Variants in SELENBP1 observed in about 807,000 individuals in gnomAD.
SELENBP1 encodes the protein selenium binding protein 1.
A neutral mutation model predicts 61.0 loss-of-function variants in SELENBP1; 71 were observed. That is an observed-to-expected ratio of 1.16 (90% CI 0.96 to 1.42). SELENBP1 has a LOEUF of 1.42. Ranked by LOEUF, SELENBP1 falls within the 40% of genes most tolerant of loss-of-function variation. The pLI is 0.00. For synonymous variants in SELENBP1, 270 were observed against 238.9 expected (o/e 1.13, Z -1.20); for missense variants, 561 against 605.0 (o/e 0.93, Z 0.76).
At position 151,372,650 on chromosome 1, in the gene SELENBP1, CTGGTACACTT is replaced by C; in HGVS notation, c.-19_-10del. The C allele has an allele frequency of 6.2e-7, 1 of 1,614,162 alleles. No homozygotes were observed. The highest frequency in any genetic ancestry group is 1.1e-5 in the South Asian group (1 of 91,078). On this transcript the variant is annotated 5_prime_UTR_variant, in exon 1 of 12. Transcript: ENST00000368868. ...CCCCTCTCCTTACCCATGCTGCCGA[CTGGTACACTT>C]TGATCCCGGCGGGTTTGCTGTGCTG... is the stretch of plus-strand genomic sequence containing the variant.
Position 151,364,470 on chromosome 1 carries a change from G to A in SELENBP1, c.*73C>T, listed in dbSNP as rs1651687037. 1 of 1,589,270 alleles carries A rather than the reference G, an allele frequency of 6.3e-7. No individual in the cohort carries two copies. Among genetic ancestry groups the A allele is most frequent in the Non-Finnish European group, 8.6e-7 (1 of 1,160,120 alleles). On this transcript the variant is annotated 3_prime_UTR_variant, in exon 12 of 12. Coordinates refer to ENST00000368868, the MANE Select transcript of SELENBP1 (RefSeq NM_003944.4). ...TGCTGCCAAGGGTCGGGTGCCAAGA[G>A]AGAGCAGAATGAAGCCAGGTCCCCA... is the stretch of plus-strand genomic sequence containing the variant.
rs751434977 is a variant in SELENBP1 at position 151,372,652 on chromosome 1, G to C, written c.-11C>G. 4 of 1,614,144 alleles carry C rather than the reference G, an allele frequency of 2.5e-6. No homozygotes were observed. Among genetic ancestry groups the C allele is most frequent in the Non-Finnish European group, 3.4e-6 (4 of 1,180,018 alleles). On this transcript the variant is annotated 5_prime_UTR_variant, in exon 1 of 12. Transcript: ENST00000368868. Reference sequence around the variant, plus strand: ...CCTCTCCTTACCCATGCTGCCGACTGGTACACTTTGATCCCGGCGGGTTTG... The same window carrying C: ...CCTCTCCTTACCCATGCTGCCGACTCGTACACTTTGATCCCGGCGGGTTTG...
rs768770667 is a variant in SELENBP1, at chr1:151,366,256, G to A, written c.843+19C>T. The A allele has an allele frequency of 2.8e-5, 45 of 1,605,522 alleles. No homozygotes were observed. Among genetic ancestry groups the A allele is most frequent in the African/African-American group, 4.0e-5 (3 of 74,770 alleles). Reference sequence around the variant, plus strand: ...CTGACAAGACTACTGGGAGGGGAGGGCCAGAGGGCGTATGTCACCTCGTTC... The same window carrying A: ...CTGACAAGACTACTGGGAGGGGAGGACCAGAGGGCGTATGTCACCTCGTTC... On this transcript the variant is annotated intron_variant, in intron 7 of 11. Coordinates refer to ENST00000368868, the MANE Select transcript of SELENBP1 (RefSeq NM_003944.4).
At position 151,365,290 on chromosome 1, in the gene SELENBP1, G is replaced by A. The variant is rs1464152144; in HGVS notation, c.1045-9C>T. ...CTGCCTCCGAGGAAGAGCTAGATGG[G>A]GAGGTGCAGAGTATAAGGAGGACCA... is the stretch of plus-strand genomic sequence containing the variant. On this transcript the variant is annotated splice_polypyrimidine_tract_variant and intron_variant, in intron 9 of 11. Coordinates refer to ENST00000368868, the MANE Select transcript of SELENBP1 (RefSeq NM_003944.4). 1.5e-5 allele frequency: 24 copies of A among 1,610,666 alleles called. No homozygotes were observed. Among genetic ancestry groups the A allele is most frequent in the Non-Finnish European group, 1.9e-5 (22 of 1,178,266 alleles).
At chr1:151,368,857 C>T (rs1651987992) in intron 4 of SELENBP1, 147 bp downstream of exon 4, 1 of 789,544 alleles carries the variant, frequency 1.3e-6, no homozygotes, top group Non-Finnish European at 2.0e-6. Context: ...AGACTCTGCT[C>T]TGAGGTCCAA....
rs760946034 is a variant in SELENBP1, at chr1:151,364,666, T to C, written c.1296A>G (p.Val432=). The change falls in exon 12 of 12, where the codon GTA becomes GTG. Residue 432 remains valine (V), a synonymous_variant. Coordinates refer to ENST00000368868, the MANE Select transcript of SELENBP1 (RefSeq NM_003944.4). ...TGGGGTTCAACTTCAGCCCTCCTTT[T>C]ACTGTGTCTACATCAACCTGCAGCA... ...SVMLQVDVDT[V]KGGLKLNPNF... is the part of the protein sequence containing the mutation. 1 of 1,608,984 alleles carries C rather than the reference T, an allele frequency of 6.2e-7. No homozygotes were observed.
In SELENBP1 at chr1:151,368,271, G is replaced by A; in HGVS notation, c.409C>T (p.His137Tyr). ...IHAKCELAFL[H>Y]TSHCLASGEV... ...CCGCTGGCCAGGCAGTGGCTGGTGT[G>A]GAGAAAGGCCAGTTCGCACTTGGCA... Residue 137 changes from histidine to tyrosine, a missense_variant, in exon 5 of 12, where the codon CAC becomes TAC. Physicochemically the swap from His to Tyr is moderately conservative, Grantham distance 83. Transcript: ENST00000368868. The A allele has an allele frequency of 1.2e-6, 2 of 1,614,192 alleles. No individual in the cohort carries two copies. Among genetic ancestry groups the A allele is most frequent in the South Asian group, 1.1e-5 (1 of 91,082 alleles).
At position 151,369,157 on chromosome 1, in the gene SELENBP1, C is replaced by T. The variant is rs143109619; in HGVS notation, c.207G>A (p.Lys69=). Reference sequence around the variant, plus strand: ...TCCATCCTGAGTGATGCAGCTCGTCCTTCAGGTTGGGCATGGGCAGCCGGT... The same window carrying T: ...TCCATCCTGAGTGATGCAGCTCGTCTTTCAGGTTGGGCATGGGCAGCCGGT... ...VIHRLPMPNL[K]DELHHSGWNT... Residue 69 remains lysine (K), a synonymous_variant, in exon 4 of 12, where the codon AAG becomes AAA. Coordinates refer to ENST00000368868, the MANE Select transcript of SELENBP1 (RefSeq NM_003944.4). 3.5e-5 allele frequency: 57 copies of T among 1,612,880 alleles called. No individual in the cohort carries two copies. The highest frequency in any genetic ancestry group is 4.6e-5 in the Non-Finnish European group (54 of 1,179,190).
chr1:151,366,182 C>T (rs1201020589), intron 7 of SELENBP1, 93 bp downstream of exon 7: 3 of 1,463,804 alleles, frequency 2.0e-6, no homozygotes, highest in South Asian at 1.3e-5. Flanking sequence ...TTTTTCGTTC[C>T]TGGAGACGCC....
intron 5 of SELENBP1, 23 bp downstream of exon 5, chr1:151,368,176 G>T (rs1651952413): frequency 1.2e-6 from 2 of 1,604,882 alleles, no homozygotes; most frequent in African/African-American, 1.3e-5. Context: ...AAGTTTTCAT[G>T]AGCACACAGT....
At chr1:151,369,908 C>T (rs1311288753) in intron 1 of SELENBP1, 139 bp from the exon 2 acceptor site, 2 of 1,539,234 alleles carry the variant, frequency 1.3e-6, no homozygotes, top group Non-Finnish European at 1.8e-6. Flanking sequence ...ATCGCTCTGG[C>T]CTGTCCTCTC....
chr1:151,365,729 C>T (rs762438209), intron 8 of SELENBP1, 39 bp downstream of exon 8: 8 of 1,613,984 alleles, frequency 5.0e-6, no homozygotes, highest in African/African-American at 2.7e-5. Flanking sequence ...TCTTGTTTCC[C>T]AGGCCAAGAA....
At chr1:151,365,938 T>C (rs1651793618) in intron 7 of SELENBP1, 92 bp from the exon 8 acceptor site, 1 of 1,358,496 alleles carries the variant, frequency 7.4e-7, no homozygotes. Context: ...TGCCCAGACC[T>C]GGGAGGGAGA....
rs779362276 is a variant in SELENBP1 at position 151,366,426 on chromosome 1, C to T, written c.692G>A (p.Trp231Ter). 1.9e-6 allele frequency: 3 copies of T among 1,613,966 alleles called. No individual in the cohort carries two copies. Among genetic ancestry groups the T allele is most frequent in the Non-Finnish European group, 1.7e-6 (2 of 1,180,030 alleles). ...CACAATCTCATGGCGCTGCCAGTCC[C>T]ATACATATAAGTGGCTCCCGTACAG... is the stretch of plus-strand genomic sequence containing the variant. Reference protein sequence around the residue: ...AGLYGSHLYVWDWQRHEIVQT... With the variant: ...AGLYGSHLYV The change falls in exon 7 of 12, where the codon TGG (tryptophan) becomes TAG (stop). Residue 231 changes from tryptophan (W) to a stop codon, truncating the protein, a stop_gained. Coordinates refer to ENST00000368868, the MANE Select transcript of SELENBP1 (RefSeq NM_003944.4). LOFTEE classifies it high-confidence loss of function.
intron 7 of SELENBP1, 26 bp downstream of exon 7, chr1:151,366,249 G>A (rs778312107): frequency 1.9e-5 from 31 of 1,602,254 alleles, no homozygotes; most frequent in African/African-American, 2.7e-5. Flanking sequence ...ACTACTGGGA[G>A]GGGAGGGCCA....
chr1:151,371,868 C>T (rs544538782), intron 1 of SELENBP1, among the ~76,000 whole-genome samples: 2 of 152,228 alleles, frequency 1.3e-5, no homozygotes, highest in Admixed American at 6.5e-5. Context: ...TGGGGAATAC[C>T]CCCATCTGAA....
Position 151,365,798 on chromosome 1 carries a change from C to G in SELENBP1, c.892G>C (p.Val298Leu). ...ATTTCGGGCAGCAGCCAGCCCTTCACTTTCTTGGGGGGCACCTGGATCACC... is the reference window on the plus strand; with the variant it reads ...ATTTCGGGCAGCAGCCAGCCCTTCAGTTTCTTGGGGGGCACCTGGATCACC... ...EKVIQVPPKK[V>L]KGWLLPEMPG... The change falls in exon 8 of 12, where the codon GTG (valine) becomes CTG (leucine). Residue 298 changes from valine (V) to leucine (L), a missense_variant. By Grantham distance (32) the Val-to-Leu change is conservative. Coordinates refer to ENST00000368868, the MANE Select transcript of SELENBP1 (RefSeq NM_003944.4). 6.2e-7 allele frequency: 1 copy of G among 1,614,174 alleles called. No individual in the cohort carries two copies. Among genetic ancestry groups the G allele is most frequent in the South Asian group, 1.1e-5 (1 of 91,066 alleles).
intron 1 of SELENBP1, 101 bp downstream of exon 1, chr1:151,372,537 C>T: frequency 6.7e-7 from 1 of 1,483,950 alleles, no homozygotes; most frequent in Non-Finnish European, 9.4e-7. Context: ...TACTCCCTCC[C>T]CAGCTCCCCA....
At position 151,368,282 on chromosome 1, in the gene SELENBP1, A is replaced by G; in HGVS notation, c.398T>C (p.Leu133Pro). ...EPKDIHAKCELAFLHTSHCLA... is the reference protein window; with the variant it reads ...EPKDIHAKCEPAFLHTSHCLA... ...GCAGTGGCTGGTGTGGAGAAAGGCCAGTTCGCACTTGGCATGGATGTCCTT... is the reference window on the plus strand; with the variant it reads ...GCAGTGGCTGGTGTGGAGAAAGGCCGGTTCGCACTTGGCATGGATGTCCTT... Residue 133 changes from leucine (L) to proline (P), a missense_variant, in exon 5 of 12, where the codon CTG (leucine) becomes CCG (proline). Transcript: ENST00000368868. 6.2e-7 allele frequency: 1 copy of G among 1,614,204 alleles called. No homozygotes were observed. Among genetic ancestry groups the G allele is most frequent in the Admixed American group, 1.7e-5 (1 of 60,030 alleles).
Sources: gnomAD v4.1 joint callset for allele counts (sites outside exome capture counted in the v4.1 genomes callset) on GRCh38, gnomAD v4.1.1 for gene constraint, MANE v1.5 for transcripts, NCBI Gene and HGNC (gene_info 2026-07-23, HGNC 2026-07-21) for gene names.